Variants in FKBP9 observed in about 807,000 individuals in gnomAD.
FKBP9 encodes the protein FKBP prolyl isomerase 9.
Under a neutral mutation model 55.6 loss-of-function variants are expected in FKBP9, and 27 were observed. That is an observed-to-expected ratio of 0.49 (90% CI 0.36 to 0.67). The LOEUF is 0.67. FKBP9 is among the 30% of genes least tolerant of loss of function. The pLI, the probability that FKBP9 is intolerant of heterozygous loss-of-function variation, is 0.00. For synonymous variants in FKBP9, 267 were observed against 296.5 expected, an observed-to-expected ratio of 0.90 and a Z score of 1.02; for missense variants, 539 against 742.8, an observed-to-expected ratio of 0.73 and a Z score of 3.19.
rs998531666 is a variant in FKBP9, at chr7:33,005,469, G to T, written c.*118G>T. On this transcript the variant is annotated 3_prime_UTR_variant, in exon 10 of 10. Transcript: ENST00000242209. ...GTTGCATCATTAGCCAGTAGTAGGT[G>T]GGTCACATAGTACCTGGTGTACACA... is the stretch of plus-strand genomic sequence containing the variant. 3.7e-6 allele frequency: 4 copies of T among 1,079,666 alleles called. No homozygotes were observed. In the Admixed American group the frequency reaches 6.9e-5, roughly 19 times the overall value. 66.9% of individuals were successfully genotyped at this position (1,079,666 alleles called of 1,614,324 possible).
intron 5 of FKBP9, among the ~76,000 whole-genome samples, chr7:32,982,619 G>A (rs113145977): frequency 0.063 from 9,602 of 151,860 alleles, 326 homozygotes; most frequent in East Asian, 0.2. Flanking sequence ...TAGTGCATAT[G>A]TGTATTATTC....
chr7:32,958,615 C>G (rs1034307301), intron 1 of FKBP9, among the ~76,000 whole-genome samples: 1 of 152,060 alleles, frequency 6.6e-6, no homozygotes, highest in African/African-American at 2.4e-5. Context: ...GAGCTATGAT[C>G]GTGCCATTGC....
chr7:32,967,800 G>C (rs1352782267), intron 1 of FKBP9, among the ~76,000 whole-genome samples: 1 of 152,066 alleles, frequency 6.6e-6, no homozygotes, highest in African/African-American at 2.4e-5. Flanking sequence ...TATTGCCTGG[G>C]CTGGAGTACA....
chr7:32,976,392 T>C lies in FKBP9; in HGVS notation c.596T>C (p.Ile199Thr). Residue 199 changes from isoleucine (I) to threonine (T), a missense_variant, in exon 4 of 10, where the codon ATT becomes ACT. Ile to Thr is a moderately conservative substitution (Grantham distance 89). Coordinates refer to ENST00000242209, the MANE Select transcript of FKBP9 (RefSeq NM_007270.5). ...RMKTYDTYVG[I>T]GWLIPGMDKG... ...AAAACATATGACACGTATGTGGGAA[T>C]TGGCTGGCTGATTCCTGGAATGGAT... is the stretch of plus-strand genomic sequence containing the variant. 2 of 1,613,944 alleles carry C rather than the reference T, an allele frequency of 1.2e-6. No individual in the cohort carries two copies. Among genetic ancestry groups the C allele is most frequent in the African/African-American group, 1.3e-5 (1 of 75,022 alleles).
chr7:32,983,444 A>T (rs1784522284), intron 5 of FKBP9, among the ~76,000 whole-genome samples: 2 of 151,758 alleles, frequency 1.3e-5, no homozygotes, highest in Non-Finnish European at 2.9e-5. Context: ...CCTCCCGAGT[A>T]GCTAGGATTA....
At chr7:32,989,496 ACCTCTGCCT>A (rs1211715337) in intron 6 of FKBP9, among the ~76,000 whole-genome samples, 3 of 151,470 alleles carry the variant, frequency 2.0e-5, no homozygotes, top group Non-Finnish European at 2.9e-5. Flanking sequence ...GCTCACTGCA[ACCTCTGCCT>A]CCTGGGTTCA....
At chr7:32,975,836 C>T (rs772966673) in intron 3 of FKBP9, among the ~76,000 whole-genome samples, 13 of 152,018 alleles carry the variant, frequency 8.6e-5, no homozygotes, top group East Asian at 1.9e-4. Context: ...TTAATAGAGA[C>T]GGGGTTTCAG....
chr7:32,974,619 A>G lies in FKBP9; in HGVS notation c.224A>G (p.Tyr75Cys), dbSNP rs1784324173. 3.1e-6 allele frequency: 5 copies of G among 1,613,338 alleles called. No individual in the cohort carries two copies. The highest frequency in any genetic ancestry group is 1.1e-5 in the South Asian group (1 of 91,002). Residue 75 changes from tyrosine to cysteine, a missense_variant and splice_region_variant, in exon 2 of 10, where the codon TAT becomes TGT. Physicochemically the swap from Tyr to Cys is radical, Grantham distance 194. Around this residue, in one of 4 missense-constraint regions of FKBP9, gnomAD observed 236 missense variants for 271.5 expected, o/e 0.87. Coordinates refer to ENST00000242209, the MANE Select transcript of FKBP9 (RefSeq NM_007270.5). ...TTCCCTACCCTTTGGGCCTTCAGCTATGACAGAGACTCCACTTTCAATGTG... is the reference window on the plus strand; with the variant it reads ...TTCCCTACCCTTTGGGCCTTCAGCTGTGACAGAGACTCCACTTTCAATGTG... The part of the protein sequence containing the change: ...FPDGQKFDSS[Y>C]DRDSTFNVFV...
chr7:32,980,801 C>T (rs536027895), intron 5 of FKBP9, among the ~76,000 whole-genome samples: 2 of 151,932 alleles, frequency 1.3e-5, no homozygotes, highest in Admixed American at 1.3e-4. Context: ...GCTGCATGAT[C>T]GTGGCTTTCT....
intron 4 of FKBP9, among the ~76,000 whole-genome samples, chr7:32,977,764 A>T (rs1343975182): frequency 6.8e-6 from 1 of 146,338 alleles, no homozygotes; most frequent in African/African-American, 2.5e-5. Flanking sequence ...GATGGGGCTC[A>T]GCCTTCTCTC....
At chr7:32,998,902 G>C (rs565829139) in intron 7 of FKBP9, among the ~76,000 whole-genome samples, 10 of 152,232 alleles carry the variant, frequency 6.6e-5, no homozygotes, top group African/African-American at 9.6e-5. Context: ...GGTGTGTTCA[G>C]AGATGACACA....
chr7:33,000,136 C>G lies in FKBP9; in HGVS notation c.1248C>G (p.Tyr416Ter), dbSNP rs750953924. 2 of 1,614,114 alleles carry G rather than the reference C, an allele frequency of 1.2e-6. No individual in the cohort carries two copies. Among genetic ancestry groups the G allele is most frequent in the Non-Finnish European group, 1.7e-6 (2 of 1,179,998 alleles). The part of the protein sequence containing the change: ...LDSTWNLGKT[Y>*]NIVLGSGQVV... ...TTAGGTGGAATTTAGGCAAAACTTACAATATTGTTCTGGGATCTGGGCAAG... is the reference window on the plus strand; with the variant it reads ...TTAGGTGGAATTTAGGCAAAACTTAGAATATTGTTCTGGGATCTGGGCAAG... Residue 416 changes from tyrosine (Y) to a stop codon, truncating the protein, a stop_gained, in exon 8 of 10, where the codon TAC becomes TAG. Coordinates refer to ENST00000242209, the MANE Select transcript of FKBP9 (RefSeq NM_007270.5). LOFTEE classifies it high-confidence loss of function.
chr7:32,999,712 G>C (rs1489670999), intron 7 of FKBP9, among the ~76,000 whole-genome samples: 1 of 152,088 alleles, frequency 6.6e-6, no homozygotes, highest in Non-Finnish European at 1.5e-5. Context: ...ATCCATCTCA[G>C]GTCTTGCTGA....
chr7:32,989,709 A>G (rs1227178371), intron 6 of FKBP9, among the ~76,000 whole-genome samples: 3 of 152,150 alleles, frequency 2.0e-5, no homozygotes, highest in African/African-American at 7.2e-5. Flanking sequence ...TGTGAGCGCC[A>G]TGCCATGCCA....
chr7:33,005,838 A>G lies in FKBP9; in HGVS notation c.*487A>G, dbSNP rs1017872796. 45 of 233,600 alleles carry G rather than the reference A, an allele frequency of 1.9e-4. No individual in the cohort carries two copies. The highest frequency in any genetic ancestry group is 1.0e-3 in the African/African-American group (45 of 45,128). 14.5% of individuals were successfully genotyped at this position (233,600 alleles called of 1,614,324 possible). A position where few individuals can be genotyped will look rare whatever the true frequency, so the allele number is the denominator to read the frequency against. ...CTTGCCCCAGCAGAGTTCCCAGCAG[A>G]CAGCCATGGCTCTTCCCAGCAGCCT... is the stretch of plus-strand genomic sequence containing the variant. On this transcript the variant is annotated 3_prime_UTR_variant, in exon 10 of 10. Transcript: ENST00000242209.
chr7:32,975,926 G>A (rs1308284081), intron 3 of FKBP9, among the ~76,000 whole-genome samples: 3 of 152,170 alleles, frequency 2.0e-5, no homozygotes, highest in Non-Finnish European at 4.4e-5. Flanking sequence ...GATTACAGGC[G>A]TGAGCCACTG....
In FKBP9 at chr7:32,975,197, C is replaced by G; in HGVS notation, c.383C>G (p.Pro128Arg). The part of the protein sequence containing the change: ...GNEGVSGVIP[P>R]NSVLHFDVLL... Reference sequence around the variant, plus strand: ...TAATTTCTAGCTGGTGTGATCCCCCCCAATTCAGTGCTTCATTTTGATGTA... The same window carrying G: ...TAATTTCTAGCTGGTGTGATCCCCCGCAATTCAGTGCTTCATTTTGATGTA... The change falls in exon 3 of 10, where the codon CCC (proline) becomes CGC (arginine). Residue 128 changes from proline to arginine, a missense_variant. By Grantham distance (103) the Pro-to-Arg change is moderately radical (BLOSUM62 -2). Transcript: ENST00000242209. 6.2e-7 allele frequency: 1 copy of G among 1,613,512 alleles called. No homozygotes were observed. Among genetic ancestry groups the G allele is most frequent in the African/African-American group, 1.3e-5 (1 of 75,032 alleles).
At chr7:32,960,110 T>TC (rs1309009746) in intron 1 of FKBP9, among the ~76,000 whole-genome samples, 4 of 142,336 alleles carry the variant, frequency 2.8e-5, no homozygotes, top group African/African-American at 1.1e-4. Context: ...GTACTTGTCT[T>TC]TTTTTTTTTT....
chr7:32,974,007 A>T lies in FKBP9; in HGVS notation c.222-610A>T, dbSNP rs572823636. On this transcript the variant is annotated intron_variant, in intron 1 of 9. Transcript: ENST00000242209. ...GCACCTGGCTGTAAAGTCTTTTTTT[A>T]AAATTTTATTTTATTTTATTTTTTG... Among the ~76,000 whole-genome samples the T allele has an allele frequency of 1.5e-4, 22 of 151,080 alleles. 1 individual carries two copies. The South Asian group carries it at 2.5e-3, about 17-fold the overall frequency.
Sources: gnomAD v4.1 joint callset for allele counts (sites outside exome capture counted in the v4.1 genomes callset) on GRCh38, gnomAD v4.1.1 for gene constraint, gnomAD v4.1.1 regional missense constraint, MANE v1.5 for transcripts, NCBI Gene and HGNC (gene_info 2026-07-23, HGNC 2026-07-21) for gene names.